Variants in ANK3 observed in about 807,000 individuals in gnomAD.
ANK3 encodes ankyrin-3.
A neutral mutation model predicts 370.9 loss-of-function variants in ANK3; 57 were observed. That is an observed-to-expected ratio of 0.15 (90% CI 0.12 to 0.19). The LOEUF (loss-of-function observed/expected upper bound fraction) is 0.19, where lower values mean the gene tolerates loss of function less well. Among genes scored for constraint, ANK3 ranks in the 10% least tolerant of loss-of-function variants. The probability of loss-of-function intolerance (pLI) is 1.00; values close to 1 mark genes in which losing one functional copy is unlikely to be tolerated. For missense variants in ANK3, 4,439 were observed against 5,302.1 expected, an observed-to-expected ratio of 0.84 and a Z score of 5.06; for synonymous variants, 1,929 against 1,946.3, an observed-to-expected ratio of 0.99 and a Z score of 0.23.
At chr10:60,044,194 C>G (rs764173210) in intron 42 of ANK3, 34 of 983,924 alleles carry the variant, frequency 3.5e-5, no homozygotes, top group Non-Finnish European at 4.1e-5. Flanking sequence ...CACTACAGCA[C>G]AAAAGTAGCA....
At position 60,147,820 on chromosome 10, in the gene ANK3, CA is replaced by C. The variant is rs771125925; in HGVS notation, c.2615-8734del. Among the ~76,000 whole-genome samples the C allele has an allele frequency of 1.4e-4, 22 of 152,288 alleles. 1 individual carries two copies. The highest frequency in any genetic ancestry group is 3.4e-3 in the Middle Eastern group (1 of 294). ...AGCAGAAGCTGCTATGCTTCCTGTA[CA>C]GCCTGCAGAACCATGAGCCAATTAA... On this transcript the variant is annotated intron_variant, in intron 23 of 43. Coordinates refer to ENST00000280772, the MANE Select transcript of ANK3 (RefSeq NM_020987.5).
In ANK3 at chr10:60,263,868, C is replaced by A; in HGVS notation, c.666G>T (p.Leu222=). 2 of 1,614,110 alleles carry A rather than the reference C, an allele frequency of 1.2e-6. No homozygotes were observed. Among genetic ancestry groups the A allele is most frequent in the Non-Finnish European group, 8.5e-7 (1 of 1,180,024 alleles). Residue 222 remains leucine, a synonymous_variant, in exon 6 of 44, where the codon CTG becomes CTT. Coordinates refer to ENST00000280772, the MANE Select transcript of ANK3 (RefSeq NM_020987.5). ...KDDTKAAALL[L]QNDNNADVES... is the part of the protein sequence containing the mutation. Reference sequence around the variant, plus strand: ...CCACATCTGCATTGTTGTCATTCTGCAGCAGCAGGGCGGCGGCTTTCGTGT... The same window carrying A: ...CCACATCTGCATTGTTGTCATTCTGAAGCAGCAGGGCGGCGGCTTTCGTGT...
intron 1 of ANK3, among the ~76,000 whole-genome samples, chr10:60,334,334 T>C (rs1056533555): frequency 6.6e-6 from 1 of 152,168 alleles, no homozygotes; most frequent in African/African-American, 2.4e-5. Flanking sequence ...GTGATCTATA[T>C]TAATAGCACC....
At chr10:60,386,647 G>A (rs895468334) in intron 1 of ANK3, among the ~76,000 whole-genome samples, 1 of 151,500 alleles carries the variant, frequency 6.6e-6, no homozygotes, top group Admixed American at 6.6e-5. Context: ...TGAATCCAAT[G>A]TTAAGTCTAC....
intron 1 of ANK3, among the ~76,000 whole-genome samples, chr10:60,309,922 C>CTTTTTTTTT (rs71015785): frequency 1.6e-4 from 22 of 134,272 alleles, no homozygotes; most frequent in South Asian, 4.9e-4. Context: ...TTTCTTTTTT[C>CTTTTTTTTT]TTTTTTTTTT....
intron 23 of ANK3, among the ~76,000 whole-genome samples, chr10:60,160,597 C>A (rs1387782530): frequency 6.6e-6 from 1 of 151,970 alleles, no homozygotes; most frequent in South Asian, 2.1e-4. Context: ...GACACACACA[C>A]ACAAAAGGAA....
chr10:60,566,023 T>G (rs986183728), intron 2 of ANK3, among the ~76,000 whole-genome samples: 2 of 152,258 alleles, frequency 1.3e-5, no homozygotes, highest in African/African-American at 2.4e-5. Context: ...GCTCACTTTG[T>G]GTCTCTGGGT....
At chr10:60,064,668 C>CACA (rs56381045) in intron 38 of ANK3, among the ~76,000 whole-genome samples, 1,984 of 110,526 alleles carry the variant, frequency 0.018, 20 homozygotes, top group African/African-American at 0.028. Context: ...TCTCCATACA[C>CACA]ACAGCAACAA....
chr10:60,284,168 C>A (rs1485416763), intron 1 of ANK3, among the ~76,000 whole-genome samples: 1 of 152,110 alleles, frequency 6.6e-6, no homozygotes, highest in Non-Finnish European at 1.5e-5. Context: ...GAGGCAGAGA[C>A]TTGACTTACG....
At chr10:60,346,334 C>T (rs1355337782) in intron 1 of ANK3, among the ~76,000 whole-genome samples, 1 of 151,934 alleles carries the variant, frequency 6.6e-6, no homozygotes, top group East Asian at 1.9e-4. Flanking sequence ...GAAGTATATG[C>T]AACTTATACA....
At chr10:60,180,626 C>CAAAAAAAAAAAAAAAACAT (rs1565506436) in intron 18 of ANK3, among the ~76,000 whole-genome samples, 1 of 119,284 alleles carries the variant, frequency 8.4e-6, no homozygotes, top group African/African-American at 3.1e-5. Flanking sequence ...AAAAAAAAAA[C>CAAAAAAAAAAAAAAAACAT]ATGTTAGAGT....
intron 2 of ANK3, among the ~76,000 whole-genome samples, chr10:60,403,167 C>G (rs896356793): frequency 2.6e-5 from 4 of 151,992 alleles, no homozygotes; most frequent in Admixed American, 6.6e-5. Context: ...ATCTAAGGAG[C>G]CTATGTAGAA....
chr10:60,036,485 G>A (rs1254776986), intron 43 of ANK3, among the ~76,000 whole-genome samples: 1 of 132,556 alleles, frequency 7.5e-6, no homozygotes, highest in East Asian at 2.2e-4. Context: ...GCCCAGGCTG[G>A]AGTGCAGTGG....
intron 2 of ANK3, among the ~76,000 whole-genome samples, chr10:60,587,244 G>T (rs749110119): frequency 1.3e-5 from 2 of 152,016 alleles, no homozygotes; most frequent in African/African-American, 4.8e-5. Flanking sequence ...ATCACCTCCC[G>T]CCAGGTTTCT....
intron 10 of ANK3, among the ~76,000 whole-genome samples, chr10:60,206,648 C>A (rs1008784534): frequency 1.3e-5 from 2 of 152,190 alleles, no homozygotes; most frequent in Non-Finnish European, 2.9e-5. Flanking sequence ...GATTTCTTCT[C>A]TAGCTTTATG....
intron 1 of ANK3, among the ~76,000 whole-genome samples, chr10:60,632,228 A>G (rs2078494026): frequency 6.6e-6 from 1 of 152,208 alleles, no homozygotes; most frequent in Non-Finnish European, 1.5e-5. Context: ...CTACCTATTT[A>G]TTTAGGTAAA....
chr10:60,545,076 C>T (rs565745823), intron 2 of ANK3, among the ~76,000 whole-genome samples: 11 of 338 alleles, frequency 0.033, no homozygotes, highest in East Asian at 0.2. Flanking sequence ...TCAGTAAGTA[C>T]GAAAGACCCA....
At chr10:60,722,679 A>G (rs1212853377) in intron 1 of ANK3, among the ~76,000 whole-genome samples, 2 of 151,914 alleles carry the variant, frequency 1.3e-5, no homozygotes, top group African/African-American at 4.8e-5. Context: ...GCCCGGTGGG[A>G]GGTATTTGGA....
rs1033787336 is a variant in ANK3 at position 60,099,354 on chromosome 10, T to C, written c.3328+6551A>G. Among the ~76,000 whole-genome samples, 31 of 152,222 alleles carry C rather than the reference T, an allele frequency of 2.0e-4. 1 individual carries two copies. Among genetic ancestry groups the C allele is most frequent in the African/African-American group, 6.5e-4 (27 of 41,448 alleles). On this transcript the variant is annotated intron_variant, in intron 28 of 43. Transcript: ENST00000280772. ...CAAGAGTTGTTATATGCAGTGGGCA[T>C]AATGGCTGTCAACAAGTCAGAGTTG... is the stretch of plus-strand genomic sequence containing the variant.
Sources: gnomAD v4.1 joint callset for allele counts (sites outside exome capture counted in the v4.1 genomes callset) on GRCh38, gnomAD v4.1.1 for gene constraint, MANE v1.5 for transcripts, NCBI Gene and HGNC (gene_info 2026-07-23, HGNC 2026-07-21) for gene names.